Variants in ESF1 observed in about 807,000 individuals in gnomAD.
ESF1 encodes the protein ESF1 homolog.
ESF1 carries 58 observed loss-of-function variants against 92.0 expected under a neutral mutation model. That is an observed-to-expected ratio of 0.63 (90% CI 0.51 to 0.78). The LOEUF (loss-of-function observed/expected upper bound fraction) is 0.78, where lower values mean the gene tolerates loss of function less well. ESF1 is among the 30% of genes least tolerant of loss of function. ESF1 has a pLI of 0.00. For missense variants in ESF1, 922 were observed against 989.1 expected (o/e 0.93, Z 0.91); for synonymous variants, 321 against 313.7 (o/e 1.02, Z -0.24).
At chr20:13,758,483 A>G (rs1979003654) in intron 9 of ESF1, among the ~76,000 whole-genome samples, 1 of 152,234 alleles carries the variant, frequency 6.6e-6, no homozygotes, top group African/African-American at 2.4e-5. Context: ...GCCAGTGTCC[A>G]TCCTAGCAAA....
chr20:13,715,535 A>C (rs2049818830), intron 13 of ESF1, among the ~76,000 whole-genome samples: 1 of 152,202 alleles, frequency 6.6e-6, no homozygotes, highest in African/African-American at 2.4e-5. Flanking sequence ...ATTTCTTACC[A>C]GCATAAATAA....
chr20:13,753,313 C>T (rs1031350417), intron 9 of ESF1, among the ~76,000 whole-genome samples: 8 of 151,434 alleles, frequency 5.3e-5, no homozygotes, highest in Non-Finnish European at 8.8e-5. Context: ...GACACTGCTT[C>T]CCCTCTATCT....
At chr20:13,777,742 C>T (rs1980007879) in intron 2 of ESF1, among the ~76,000 whole-genome samples, 1 of 152,286 alleles carries the variant, frequency 6.6e-6, no homozygotes, top group South Asian at 2.1e-4. Flanking sequence ...CAATCACAGG[C>T]TTCTATCTAC....
intron 11 of ESF1, 37 bp downstream of exon 11, chr20:13,728,341 G>C: frequency 6.7e-7 from 1 of 1,496,974 alleles, no homozygotes; most frequent in Non-Finnish European, 9.2e-7. Context: ...TTTTTCTTTA[G>C]ATTCCAGTTG....
chr20:13,757,765 CAT>C (rs1978967161), intron 9 of ESF1, among the ~76,000 whole-genome samples: 2 of 152,176 alleles, frequency 1.3e-5, no homozygotes, highest in Admixed American at 1.3e-4. Flanking sequence ...GAACCTGTAT[CAT>C]ATATCTGTAC....
At chr20:13,720,916 T>A (rs2049863915) in intron 11 of ESF1, among the ~76,000 whole-genome samples, 1 of 151,992 alleles carries the variant, frequency 6.6e-6, no homozygotes. Context: ...AGGTCAGGAG[T>A]TTGAGACCAG....
In ESF1 at chr20:13,715,103, G is replaced by A. The variant is rs1344346689; in HGVS notation, c.2327C>T (p.Ser776Leu). ...TTTTGTTTTCTTGAAATTGGGATCT[G>A]AGGGGTCCAAATTGAACAAGTGGGA... ...YTSHLFNLDP[S>L]DPNFKKTKAM... The change falls in exon 14 of 14, where the codon TCA becomes TTA. Residue 776 changes from serine (S) to leucine (L), a missense_variant. Physicochemically the swap from Ser to Leu is moderately radical, Grantham distance 145 (BLOSUM62 -2). Transcript: ENST00000617257. 6.2e-7 allele frequency: 1 copy of A among 1,613,180 alleles called. No individual in the cohort carries two copies. Among genetic ancestry groups the A allele is most frequent in the Non-Finnish European group, 8.5e-7 (1 of 1,179,902 alleles).
chr20:13,772,679 T>C, intron 4 of ESF1, 64 bp from the exon 5 acceptor site: 2 of 1,196,216 alleles, frequency 1.7e-6, no homozygotes, highest in East Asian at 2.3e-5. Flanking sequence ...TCTAGACCTG[T>C]CGAAGTCAGG....
At chr20:13,725,592 G>A (rs1256900533) in intron 11 of ESF1, among the ~76,000 whole-genome samples, 1 of 152,100 alleles carries the variant, frequency 6.6e-6, no homozygotes, top group African/African-American at 2.4e-5. Context: ...CCCAGCCGCC[G>A]CTTCTCAGCT....
At chr20:13,770,518 T>G (rs1830430361) in intron 6 of ESF1, among the ~76,000 whole-genome samples, 1 of 152,342 alleles carries the variant, frequency 6.6e-6, no homozygotes, top group Admixed American at 6.5e-5. Context: ...TTTTTACTTT[T>G]AAAATTTTTT....
At chr20:13,763,355 T>A (rs371187141) in intron 8 of ESF1, among the ~76,000 whole-genome samples, 1 of 152,166 alleles carries the variant, frequency 6.6e-6, no homozygotes, top group Non-Finnish European at 1.5e-5. Context: ...TTAACAAGAA[T>A]GTATTAACAA....
At chr20:13,766,240 G>A (rs964059587) in intron 8 of ESF1, among the ~76,000 whole-genome samples, 1 of 152,100 alleles carries the variant, frequency 6.6e-6, no homozygotes, top group Non-Finnish European at 1.5e-5. Context: ...CAAAACTGAT[G>A]AAAGATACCA....
Position 13,782,687 on chromosome 20 carries a change from T to A in ESF1, c.454A>T (p.Ile152Leu). 1.9e-6 allele frequency: 3 copies of A among 1,591,362 alleles called. No individual in the cohort carries two copies. The highest frequency in any genetic ancestry group is 2.6e-6 in the Non-Finnish European group (3 of 1,173,224). ...TCTTTGCTATCCTTCTTCGGACTTA[T>A]GTTTGAATCTATCTTAAATTTACAT... is the stretch of plus-strand genomic sequence containing the variant. ...TSCKFKIDSN[I>L]SPKKDSKEFT... The change falls in exon 2 of 14, where the codon ATA (isoleucine) becomes TTA (leucine). Residue 152 changes from isoleucine (I) to leucine (L), a missense_variant. Physicochemically the swap from Ile to Leu is conservative, Grantham distance 5. Coordinates refer to ENST00000617257, the MANE Select transcript of ESF1 (RefSeq NM_001276380.2).
chr20:13,755,674 T>G (rs1353732193), intron 9 of ESF1, among the ~76,000 whole-genome samples: 1 of 152,218 alleles, frequency 6.6e-6, no homozygotes, highest in Non-Finnish European at 1.5e-5. Context: ...TTATTTATAA[T>G]CCTAATTAAT....
chr20:13,716,886 C>T (rs1173266082), intron 13 of ESF1, among the ~76,000 whole-genome samples: 4 of 138,926 alleles, frequency 2.9e-5, no homozygotes, highest in South Asian at 2.4e-4. Flanking sequence ...GGCGAGATCT[C>T]GGCTCACTGC....
intron 2 of ESF1, 107 bp from the exon 3 acceptor site, chr20:13,776,377 A>G: frequency 9.1e-7 from 1 of 1,093,242 alleles, no homozygotes; most frequent in Non-Finnish European, 1.3e-6. Context: ...TTTCTATGAA[A>G]CACAGTAAAG....
intron 9 of ESF1, among the ~76,000 whole-genome samples, chr20:13,747,378 G>A (rs1297699396): frequency 1.3e-5 from 2 of 151,974 alleles, no homozygotes; most frequent in African/African-American, 4.8e-5. Flanking sequence ...GGCCAACACG[G>A]TGAAACCCCG....
intron 4 of ESF1, among the ~76,000 whole-genome samples, chr20:13,774,335 C>A (rs945609205): frequency 3.9e-5 from 6 of 152,070 alleles, no homozygotes; most frequent in African/African-American, 1.4e-4. Flanking sequence ...CGCTCATTGG[C>A]GCATTTCAGA....
At chr20:13,722,932 C>G (rs1449997606) in intron 11 of ESF1, among the ~76,000 whole-genome samples, 1 of 151,950 alleles carries the variant, frequency 6.6e-6, no homozygotes, top group African/African-American at 2.4e-5. Context: ...TCTATTAAGT[C>G]AATACTAACA....
Sources: gnomAD v4.1 joint callset for allele counts (sites outside exome capture counted in the v4.1 genomes callset) on GRCh38, gnomAD v4.1.1 for gene constraint, MANE v1.5 for transcripts, NCBI Gene and HGNC (gene_info 2026-07-23, HGNC 2026-07-21) for gene names.